FGD6: variants seen among roughly 807,000 people sequenced by gnomAD.
FGD6 encodes FYVE, RhoGEF and PH domain containing 6, also known as FYVE, RhoGEF and PH domain-containing protein 6.
A neutral mutation model predicts 149.4 loss-of-function variants in FGD6; 90 were observed. That is an observed-to-expected ratio of 0.60 (90% CI 0.51 to 0.72). The LOEUF is 0.72. FGD6 is among the 30% of genes least tolerant of loss of function. The pLI is 0.00. For synonymous variants in FGD6, 527 were observed against 584.0 expected, an observed-to-expected ratio of 0.90 and a Z score of 1.41; for missense variants, 1,437 against 1,684.8, an observed-to-expected ratio of 0.85 and a Z score of 2.57.
intron 8 of FGD6, among the ~76,000 whole-genome samples, chr12:95,124,751 G>A (rs974075521): frequency 6.6e-6 from 1 of 152,138 alleles, no homozygotes; most frequent in African/African-American, 2.4e-5. Flanking sequence ...TAACCTCTAC[G>A]TGTAAAATAG....
rs191945939 is a variant in FGD6, at chr12:95,174,015, C to A, written c.2442-1271G>T. Among the ~76,000 whole-genome samples, 488 of 152,266 alleles carry A rather than the reference C, an allele frequency of 3.2e-3. 7 individuals carry two copies. Among genetic ancestry groups the A allele is most frequent in the African/African-American group, 0.011 (475 of 41,560 alleles). On this transcript the variant is annotated intron_variant, in intron 2 of 20. Coordinates refer to ENST00000343958, the MANE Select transcript of FGD6 (RefSeq NM_018351.4). The stretch of plus-strand genomic sequence containing the variant: ...TGGAGGCACAGTGCCAAAAGGAACA[C>A]CTCTCACTGCTAAAGACGGGGTTTT...
chr12:95,148,682 A>G (rs1880115279), intron 5 of FGD6, among the ~76,000 whole-genome samples: 1 of 105,552 alleles, frequency 9.5e-6, no homozygotes, highest in Non-Finnish European at 1.7e-5. Context: ...CATATGTTAT[A>G]TTATATATAT....
At chr12:95,120,663 G>A (rs1261457214) in intron 8 of FGD6, among the ~76,000 whole-genome samples, 1 of 152,014 alleles carries the variant, frequency 6.6e-6, no homozygotes, top group Non-Finnish European at 1.5e-5. Context: ...CTCTAGCCTG[G>A]GTGACAGAGT....
chr12:95,199,794 G>A (rs1051778201), intron 2 of FGD6, among the ~76,000 whole-genome samples: 1 of 151,904 alleles, frequency 6.6e-6, no homozygotes, highest in African/African-American at 2.4e-5. Flanking sequence ...TAGTAGAGAC[G>A]GGGTTTCACC....
At chr12:95,100,455 G>T (rs1878387359) in intron 14 of FGD6, 1 of 315,210 alleles carries the variant, frequency 3.2e-6, no homozygotes, top group African/African-American at 2.2e-5. Flanking sequence ...AAACAGGACT[G>T]CCCAGACCAG....
intron 7 of FGD6, among the ~76,000 whole-genome samples, chr12:95,135,493 G>C (rs1203839734): frequency 6.6e-6 from 1 of 152,144 alleles, no homozygotes; most frequent in Non-Finnish European, 1.5e-5. Flanking sequence ...AAGACATTTG[G>C]TTATCCCTTG....
intron 15 of FGD6, among the ~76,000 whole-genome samples, chr12:95,093,993 G>A (rs1266689398): frequency 6.7e-6 from 1 of 149,706 alleles, no homozygotes; most frequent in South Asian, 2.1e-4. Flanking sequence ...AACCCCATCT[G>A]TACTAAAAAT....
At position 95,210,078 on chromosome 12, in the gene FGD6, T is replaced by C. The variant is rs750681792; in HGVS notation, c.1206A>G (p.Lys402=). The change falls in exon 2 of 21, where the codon AAA becomes AAG. Residue 402 remains lysine, a synonymous_variant. Coordinates refer to ENST00000343958, the MANE Select transcript of FGD6 (RefSeq NM_018351.4). ...AGGAAGTTGTTTCATTACACATGGC[T>C]TTCTGTGAATTGACTAAGTCCTGTG... The part of the protein sequence containing the change: ...SDAQDLVNSQ[K]AMCNETTSFE... 5 of 1,614,158 alleles carry C rather than the reference T, an allele frequency of 3.1e-6. No homozygotes were observed. The highest frequency in any genetic ancestry group is 4.2e-6 in the Non-Finnish European group (5 of 1,180,032).
At chr12:95,116,890 G>A (rs1246219671) in intron 8 of FGD6, 3 of 455,828 alleles carry the variant, frequency 6.6e-6, no homozygotes, top group Non-Finnish European at 8.8e-6. Context: ...GAATCACCTG[G>A]GGCCTTAACT....
At chr12:95,106,793 C>T (rs1359490015) in intron 13 of FGD6, among the ~76,000 whole-genome samples, 161 bp downstream of exon 13, 1 of 152,068 alleles carries the variant, frequency 6.6e-6, no homozygotes, top group Non-Finnish European at 1.5e-5. Context: ...ACTCAGGAGG[C>T]TGAGGCAGAA....
At chr12:95,129,845 GTTT>G (rs796948324) in intron 8 of FGD6, among the ~76,000 whole-genome samples, 3 of 150,630 alleles carry the variant, frequency 2.0e-5, no homozygotes. Context: ...GCTAATTTTT[GTTT>G]TTTTTTGTAG....
chr12:95,137,769 C>T, intron 6 of FGD6, 91 bp from the exon 7 acceptor site: 1 of 882,774 alleles, frequency 1.1e-6, no homozygotes, highest in Non-Finnish European at 1.6e-6. Flanking sequence ...AAGCCGCCAA[C>T]TTATCTTTTT....
rs373791249 is a variant in FGD6 at position 95,209,161 on chromosome 12, C to T, written c.2123G>A (p.Arg708Gln). The change falls in exon 2 of 21, where the codon CGG becomes CAG. Residue 708 changes from arginine (R) to glutamine (Q), a missense_variant. By Grantham distance (43) the Arg-to-Gln change is conservative. This residue lies in a region of FGD6 where 1,055 missense variants were observed against 1,146.0 expected (regional missense o/e 0.92). Coordinates refer to ENST00000343958, the MANE Select transcript of FGD6 (RefSeq NM_018351.4). ...ACCATTAGCTGCACTGGTCTGGCCC[C>T]GAGACTTCTTCCTCTTCTTTTGAGA... ...LESQKKRKKS[R>Q]GQTSAANGLR... 78 of 1,614,108 alleles carry T rather than the reference C, an allele frequency of 4.8e-5. No individual in the cohort carries two copies. Among genetic ancestry groups the T allele is most frequent in the Non-Finnish European group, 5.9e-5 (70 of 1,180,022 alleles).
chr12:95,132,559 T>C (rs1879552862), intron 8 of FGD6, among the ~76,000 whole-genome samples: 1 of 152,102 alleles, frequency 6.6e-6, no homozygotes, highest in South Asian at 2.1e-4. Flanking sequence ...AAGACCATCC[T>C]GGCCAACATG....
At chr12:95,142,242 A>G (rs143629755) in intron 5 of FGD6, among the ~76,000 whole-genome samples, 4,350 of 151,728 alleles carry the variant, frequency 0.029, 122 homozygotes, top group Middle Eastern at 0.088. Context: ...CCCGGGTTCA[A>G]GCTATTCTCC....
At chr12:95,087,621 C>CGG (rs1877922496) in intron 18 of FGD6, among the ~76,000 whole-genome samples, 1 of 152,208 alleles carries the variant, frequency 6.6e-6, no homozygotes, top group South Asian at 2.1e-4. Flanking sequence ...AGAGTCCCAG[C>CGG]TAACCCATGC....
chr12:95,111,035 T>A (rs1878804912), intron 9 of FGD6, among the ~76,000 whole-genome samples: 1 of 152,142 alleles, frequency 6.6e-6, no homozygotes, highest in Non-Finnish European at 1.5e-5. Context: ...CAGGCTACAG[T>A]GCAGTCGCGG....
chr12:95,143,922 A>G, intron 5 of FGD6, among the ~76,000 whole-genome samples: 1 of 152,198 alleles, frequency 6.6e-6, no homozygotes, highest in East Asian at 1.9e-4. Context: ...TGGTGGAGTA[A>G]GTAATGGCTA....
chr12:95,172,872 A>C, intron 2 of FGD6, 128 bp from the exon 3 acceptor site: 2 of 742,946 alleles, frequency 2.7e-6, no homozygotes, highest in Non-Finnish European at 3.9e-6. Context: ...GAAGAATGAA[A>C]AGACCCAGAT....
Sources: gnomAD v4.1 joint callset for allele counts (sites outside exome capture counted in the v4.1 genomes callset) on GRCh38, gnomAD v4.1.1 for gene constraint, gnomAD v4.1.1 regional missense constraint, MANE v1.5 for transcripts, NCBI Gene and HGNC (gene_info 2026-07-23, HGNC 2026-07-21) for gene names.